HIF1AN: variants seen among roughly 807,000 people sequenced by gnomAD.
HIF1AN encodes hypoxia-inducible factor 1-alpha inhibitor.
Under a neutral mutation model 47.7 loss-of-function variants are expected in HIF1AN, and 21 were observed. The ratio of observed to expected loss-of-function variants is 0.44; its 90% CI spans 0.31 to 0.63. The LOEUF (loss-of-function observed/expected upper bound fraction) is 0.63. Among genes scored for constraint, HIF1AN ranks in the 30% least tolerant of loss-of-function variants. The pLI is 0.07. For synonymous variants in HIF1AN, 152 were observed against 155.9 expected, an observed-to-expected ratio of 0.98 and a Z score of 0.18; for missense variants, 320 against 432.7, an observed-to-expected ratio of 0.74 and a Z score of 2.31.
intron 2 of HIF1AN, among the ~76,000 whole-genome samples, chr10:100,539,385 T>C (rs1842998020): frequency 6.6e-6 from 1 of 152,166 alleles, no homozygotes; most frequent in Non-Finnish European, 1.5e-5. Context: ...CTTCCTCAGG[T>C]ATGTTAGGAG....
rs769097013 is a variant in HIF1AN at position 100,544,948 on chromosome 10, C to T, written c.578-3C>T. 13 of 1,613,946 alleles carry T rather than the reference C, an allele frequency of 8.1e-6. No homozygotes were observed. Among genetic ancestry groups the T allele is most frequent in the Middle Eastern group, 1.6e-4 (1 of 6,084 alleles). Reference sequence around the variant, plus strand: ...GCATAAGAAAATGCCTTTCTTCTTACAGGAAATGTGACACCTGCTCACTAT... The same window carrying T: ...GCATAAGAAAATGCCTTTCTTCTTATAGGAAATGTGACACCTGCTCACTAT... On this transcript the variant is annotated splice_polypyrimidine_tract_variant and splice_region_variant and intron_variant, in intron 3 of 7. Coordinates refer to ENST00000299163, the MANE Select transcript of HIF1AN (RefSeq NM_017902.3).
At chr10:100,540,923 A>C (rs1293108446) in intron 3 of HIF1AN, 141 bp downstream of exon 3, 1 of 811,366 alleles carries the variant, frequency 1.2e-6, no homozygotes, top group African/African-American at 1.8e-5. Context: ...TCTAAAAGAA[A>C]CATAATAGGG....
rs1007170237 is a variant in HIF1AN at position 100,551,010 on chromosome 10, G to A, written c.*2873G>A. ...GGGACACACACATACAGCAAGTGAA[G>A]GTGGGGGTTTGGGCCTGTATAGAGG... On this transcript the variant is annotated 3_prime_UTR_variant, in exon 8 of 8. Transcript: ENST00000299163. 1 of 152,402 alleles carries A rather than the reference G, an allele frequency of 6.6e-6. No homozygotes were observed. Among genetic ancestry groups the A allele is most frequent in the Admixed American group, 6.5e-5 (1 of 15,308 alleles). The allele number at this position is 152,402 out of a possible 1,614,324, so 9.4% of individuals were successfully genotyped here. A position where few individuals can be genotyped will look rare whatever the true frequency, so the allele number is the denominator to read the frequency against.
In HIF1AN at chr10:100,554,215, C is replaced by T. The variant is rs528290892; in HGVS notation, c.*6078C>T. 7 of 152,194 alleles carry T rather than the reference C, an allele frequency of 4.6e-5. No homozygotes were observed. The highest frequency in any genetic ancestry group is 6.5e-5 in the Admixed American group (1 of 15,290). 9.4% of individuals were successfully genotyped at this position (152,194 alleles called of 1,614,324 possible). A position where few individuals can be genotyped will look rare whatever the true frequency, so the allele number is the denominator to read the frequency against. ...GCTCCCCTTGCACTGTGTGAGAGGC[C>T]GTGGAGCCGAATGAGTCCTTATTAT... On this transcript the variant is annotated 3_prime_UTR_variant, in exon 8 of 8. Coordinates refer to ENST00000299163, the MANE Select transcript of HIF1AN (RefSeq NM_017902.3).
rs914728122 is a variant in HIF1AN, at chr10:100,548,375, C to T, written c.*238C>T. The T allele has an allele frequency of 1.5e-5, 7 of 476,290 alleles. No individual in the cohort carries two copies. The highest frequency in any genetic ancestry group is 6.0e-5 in the African/African-American group (3 of 50,032). 29.5% of individuals were successfully genotyped at this position (476,290 alleles called of 1,614,324 possible). ...CCCAGCACCTTCTCTCTCTGCCCCC[C>T]GCCTAAAGTCCTGCATTCAGTGTGT... On this transcript the variant is annotated 3_prime_UTR_variant, in exon 8 of 8. Coordinates refer to ENST00000299163, the MANE Select transcript of HIF1AN (RefSeq NM_017902.3).
chr10:100,545,034 C>T lies in HIF1AN; in HGVS notation c.661C>T (p.Pro221Ser). The T allele has an allele frequency of 3.7e-6, 6 of 1,614,224 alleles. No individual in the cohort carries two copies. Among genetic ancestry groups the T allele is most frequent in the Non-Finnish European group, 5.1e-6 (6 of 1,180,040 alleles). ...TTACAAACGATGCATCTTATTCCCT[C>T]CGGATCAGTTCGAGTGCCTCTACCC... ...KGYKRCILFP[P>S]DQFECLYPYP... Residue 221 changes from proline (P) to serine (S), a missense_variant, in exon 4 of 8, where the codon CCG becomes TCG. Pro to Ser is a moderately conservative substitution (Grantham distance 74). Around this residue, in one of 2 missense-constraint regions of HIF1AN, gnomAD observed 161 missense variants for 272.8 expected, o/e 0.59. Coordinates refer to ENST00000299163, the MANE Select transcript of HIF1AN (RefSeq NM_017902.3).
At position 100,536,133 on chromosome 10, in the gene HIF1AN, G is replaced by T; in HGVS notation, c.175G>T (p.Glu59Ter). The change falls in exon 1 of 8, where the codon GAG becomes TAG. Residue 59 changes from glutamate to a stop codon, truncating the protein, a stop_gained and splice_region_variant. Coordinates refer to ENST00000299163, the MANE Select transcript of HIF1AN (RefSeq NM_017902.3). LOFTEE classifies it high-confidence loss of function. ...DPRAEELIEN[E>*]EPVVLTDTNL... is the part of the protein sequence containing the mutation. The stretch of plus-strand genomic sequence containing the variant: ...CCGGGCAGAGGAGCTTATTGAGAAT[G>T]AGGTGGGGGGCGGGGCCGCGTCTAA... 1 of 1,591,872 alleles carries T rather than the reference G, an allele frequency of 6.3e-7. No homozygotes were observed.
Position 100,549,061 on chromosome 10 carries a change from C to CGTGCGTGTGT in HIF1AN, c.*928_*937dup. 7.3e-6 allele frequency: 1 copy of CGTGCGTGTGT among 136,534 alleles called. No individual in the cohort carries two copies. The highest frequency in any genetic ancestry group is 2.4e-4 in the South Asian group (1 of 4,180). The allele number at this position is 136,534 out of a possible 1,614,324, so 8.5% of individuals were successfully genotyped here. A position where few individuals can be genotyped will look rare whatever the true frequency, so the allele number is the denominator to read the frequency against. On this transcript the variant is annotated 3_prime_UTR_variant, in exon 8 of 8. Transcript: ENST00000299163. The stretch of plus-strand genomic sequence containing the variant: ...GCCTCTGGGTGTGTGTGTGTGTGTG[C>CGTGCGTGTGT]GTGCGTGTGTGTGTGTGTGTCCGTG...
chr10:100,542,740 C>T (rs190031230), intron 3 of HIF1AN, among the ~76,000 whole-genome samples: 1 of 152,118 alleles, frequency 6.6e-6, no homozygotes, highest in Non-Finnish European at 1.5e-5. Context: ...ATAACTACCC[C>T]TGTCTCTTAG....
chr10:100,538,326 A>T (rs924006248), intron 2 of HIF1AN, among the ~76,000 whole-genome samples: 1 of 152,196 alleles, frequency 6.6e-6, no homozygotes, highest in Admixed American at 6.5e-5. Flanking sequence ...ATGGGGTGAA[A>T]TGTATTAGGA....
At position 100,550,961 on chromosome 10, in the gene HIF1AN, T is replaced by C. The variant is rs1843152211; in HGVS notation, c.*2824T>C. 6.6e-6 allele frequency: 1 copy of C among 152,246 alleles called. No individual in the cohort carries two copies. Among genetic ancestry groups the C allele is most frequent in the South Asian group, 2.1e-4 (1 of 4,832 alleles). 9.4% of individuals were successfully genotyped at this position (152,246 alleles called of 1,614,324 possible). A position where few individuals can be genotyped will look rare whatever the true frequency, so the allele number is the denominator to read the frequency against. On this transcript the variant is annotated 3_prime_UTR_variant, in exon 8 of 8. Coordinates refer to ENST00000299163, the MANE Select transcript of HIF1AN (RefSeq NM_017902.3). ...AGGAAACATTTCTGCTGTAGTTGTT[T>C]ACCTCCATCCTAGCTGGCAGTGTGG...
rs920497000 is a variant in HIF1AN, at chr10:100,549,363, G to C, written c.*1226G>C. 2.7e-4 allele frequency: 41 copies of C among 152,236 alleles called. No homozygotes were observed. The highest frequency in any genetic ancestry group is 9.4e-4 in the African/African-American group (39 of 41,432). The allele number at this position is 152,236 out of a possible 1,614,324, so 9.4% of individuals were successfully genotyped here. On this transcript the variant is annotated 3_prime_UTR_variant, in exon 8 of 8. Coordinates refer to ENST00000299163, the MANE Select transcript of HIF1AN (RefSeq NM_017902.3). ...GCTTCCTGGCTGAATAGATGAAATG[G>C]GGTCAAGCCCAGGCAGCTCATTCAC... is the stretch of plus-strand genomic sequence containing the variant.
chr10:100,545,585 A>G (rs1467669046), intron 4 of HIF1AN: 1 of 223,622 alleles, frequency 4.5e-6, no homozygotes, highest in South Asian at 1.2e-4. Context: ...TAGCTACTTC[A>G]TGTGGGAGTC....
chr10:100,545,890 A>T, intron 4 of HIF1AN, 53 bp from the exon 5 acceptor site: 1 of 1,196,186 alleles, frequency 8.4e-7, no homozygotes, highest in Non-Finnish European at 1.2e-6. Flanking sequence ...TAGTAGTTTT[A>T]CTGGTGAAGA....
intron 1 of HIF1AN, 104 bp downstream of exon 1, chr10:100,536,239 G>GA: frequency 7.6e-7 from 1 of 1,318,850 alleles, no homozygotes; most frequent in Non-Finnish European, 1.1e-6. Context: ...CTCTAGACTA[G>GA]GGCCTATGGG....
At position 100,540,730 on chromosome 10, in the gene HIF1AN, A is replaced by T; in HGVS notation, c.525A>T (p.Gly175=). 1 of 1,613,764 alleles carries T rather than the reference A, an allele frequency of 6.2e-7. No individual in the cohort carries two copies. The highest frequency in any genetic ancestry group is 8.5e-7 in the Non-Finnish European group (1 of 1,179,852). ...GGAACTGGATTAATAAGCAACAGGG[A>T]AAGCGTGGCTGGGGGCAGCTTACCT... is the stretch of plus-strand genomic sequence containing the variant. The part of the protein sequence containing the change: ...FNWNWINKQQ[G]KRGWGQLTSN... Residue 175 remains glycine, a synonymous_variant, in exon 3 of 8, where the codon GGA becomes GGT. Coordinates refer to ENST00000299163, the MANE Select transcript of HIF1AN (RefSeq NM_017902.3).
intron 3 of HIF1AN, among the ~76,000 whole-genome samples, chr10:100,541,603 T>A (rs1843033764): frequency 6.6e-6 from 1 of 152,034 alleles, no homozygotes; most frequent in Non-Finnish European, 1.5e-5. Context: ...CGTGTTCAAG[T>A]GATTCTCCTG....
At position 100,555,826 on chromosome 10, in the gene HIF1AN, C is replaced by T. The variant is rs1843210089; in HGVS notation, c.*7689C>T. The T allele has an allele frequency of 6.6e-6, 1 of 152,242 alleles. No individual in the cohort carries two copies. Among genetic ancestry groups the T allele is most frequent in the Non-Finnish European group, 1.5e-5 (1 of 68,064 alleles). 9.4% of individuals were successfully genotyped at this position (152,242 alleles called of 1,614,324 possible). A position where few individuals can be genotyped will look rare whatever the true frequency, so the allele number is the denominator to read the frequency against. The stretch of plus-strand genomic sequence containing the variant: ...ATCAGGAAAGCTGTGCTCCTTAACC[C>T]ATCATCTAAGCTAAGCTTGGGCCAG... On this transcript the variant is annotated 3_prime_UTR_variant, in exon 8 of 8. Transcript: ENST00000299163.
chr10:100,554,555 C>T lies in HIF1AN; in HGVS notation c.*6418C>T, dbSNP rs1843197907. On this transcript the variant is annotated 3_prime_UTR_variant, in exon 8 of 8. Coordinates refer to ENST00000299163, the MANE Select transcript of HIF1AN (RefSeq NM_017902.3). ...GAGGATTACCTCACGCCTGTAATCC[C>T]AGCACTTTGGGAGGCTGAGGTGGGT... 6.6e-6 allele frequency: 1 copy of T among 152,054 alleles called. No homozygotes were observed. The highest frequency in any genetic ancestry group is 2.4e-5 in the African/African-American group (1 of 41,382). The allele number at this position is 152,054 out of a possible 1,614,324, so 9.4% of individuals were successfully genotyped here. A position where few individuals can be genotyped will look rare whatever the true frequency, so the allele number is the denominator to read the frequency against.
Sources: allele counts gnomAD v4.1 joint callset (sites outside exome capture counted in the v4.1 genomes callset), GRCh38; gene constraint gnomAD v4.1.1; regional missense constraint gnomAD v4.1.1; transcripts MANE v1.5; gene names NCBI Gene and HGNC (gene_info 2026-07-23, HGNC 2026-07-21).